COL19A1: variants seen among roughly 807,000 people sequenced by gnomAD.
COL19A1 encodes collagen alpha-1(XIX) chain.
Under a neutral mutation model 190.2 loss-of-function variants are expected in COL19A1, and 159 were observed. The ratio of observed to expected loss-of-function variants is 0.84; its 90% CI spans 0.73 to 0.95. COL19A1 has a LOEUF of 0.95. COL19A1 is among the 40% of genes least tolerant of loss of function. The pLI, the probability that COL19A1 is intolerant of heterozygous loss-of-function variation, is 0.00. For synonymous variants in COL19A1, 509 were observed against 458.9 expected, an observed-to-expected ratio of 1.11 and a Z score of -1.39; for missense variants, 1,418 against 1,431.9, an observed-to-expected ratio of 0.99 and a Z score of 0.16.
At chr6:69,975,881 C>T (rs1368647194) in intron 11 of COL19A1, among the ~76,000 whole-genome samples, 1 of 152,076 alleles carries the variant, frequency 6.6e-6, no homozygotes, top group East Asian at 1.9e-4. Flanking sequence ...TATTATTTAC[C>T]TCACTAAAAT....
chr6:70,000,791 T>G (rs1270036880), intron 11 of COL19A1, among the ~76,000 whole-genome samples: 2 of 152,202 alleles, frequency 1.3e-5, no homozygotes, highest in East Asian at 3.9e-4. Flanking sequence ...ATGGGTAGAT[T>G]GAAAAAATTT....
At chr6:70,052,043 C>G (rs927900369) in intron 14 of COL19A1, among the ~76,000 whole-genome samples, 3 of 151,914 alleles carry the variant, frequency 2.0e-5, no homozygotes, top group African/African-American at 7.3e-5. Flanking sequence ...TCTGAATTGG[C>G]CTTTCTGCTT....
chr6:69,944,568 C>G (rs1337758919), intron 9 of COL19A1, among the ~76,000 whole-genome samples: 1 of 151,998 alleles, frequency 6.6e-6, no homozygotes, highest in Non-Finnish European at 1.5e-5. Context: ...AACAAAAATT[C>G]TTTTCACATT....
chr6:70,048,605 G>A (rs557737546), intron 14 of COL19A1, among the ~76,000 whole-genome samples: 62 of 152,170 alleles, frequency 4.1e-4, no homozygotes, highest in African/African-American at 1.4e-3. Context: ...TACAACTGTA[G>A]TTGTTCATAT....
At chr6:69,948,811 A>G (rs1412499149) in intron 9 of COL19A1, among the ~76,000 whole-genome samples, 2 of 151,770 alleles carry the variant, frequency 1.3e-5, no homozygotes, top group East Asian at 3.9e-4. Flanking sequence ...TATTTCACTT[A>G]AAGTAAAACT....
At chr6:69,917,080 C>A (rs1281724031) in intron 4 of COL19A1, among the ~76,000 whole-genome samples, 1 of 152,182 alleles carries the variant, frequency 6.6e-6, no homozygotes, top group Non-Finnish European at 1.5e-5. Context: ...TTTCTTATGA[C>A]CAACACATTT....
chr6:70,180,550 T>A, intron 44 of COL19A1, 27 bp downstream of exon 44: 1 of 1,608,774 alleles, frequency 6.2e-7, no homozygotes, highest in Non-Finnish European at 8.5e-7. Context: ...ACTTAAAATA[T>A]GCCACCTAGA....
At chr6:70,006,769 T>C (rs1338602143) in intron 11 of COL19A1, among the ~76,000 whole-genome samples, 2 of 152,184 alleles carry the variant, frequency 1.3e-5, no homozygotes, top group Non-Finnish European at 2.9e-5. Context: ...GTTACATTTA[T>C]AGGATATGAA....
chr6:70,136,073 A>G (rs1234473877), intron 18 of COL19A1, among the ~76,000 whole-genome samples: 1 of 152,224 alleles, frequency 6.6e-6, no homozygotes, highest in Non-Finnish European at 1.5e-5. Flanking sequence ...TTCCACAGTT[A>G]TACTATCACA....
At chr6:70,120,326 CT>C (rs1463231493) in intron 16 of COL19A1, among the ~76,000 whole-genome samples, 6 of 152,156 alleles carry the variant, frequency 3.9e-5, no homozygotes, top group African/African-American at 1.2e-4. Flanking sequence ...ACATATACCC[CT>C]AAGCCACCTC....
chr6:70,206,308 C>T (rs1284209185), intron 49 of COL19A1, among the ~76,000 whole-genome samples: 1 of 152,084 alleles, frequency 6.6e-6, no homozygotes, highest in Non-Finnish European at 1.5e-5. Context: ...GTGTCATTTT[C>T]AGAGCCAAAA....
intron 12 of COL19A1, 79 bp downstream of exon 12, chr6:70,023,759 C>T: frequency 7.4e-7 from 1 of 1,355,692 alleles, no homozygotes; most frequent in East Asian, 2.4e-5. Context: ...TAAGATTTGC[C>T]TATTTTTGGC....
At chr6:69,867,249 C>CGGCGCG (rs752616870) in intron 1 of COL19A1, among the ~76,000 whole-genome samples, 1 of 152,128 alleles carries the variant, frequency 6.6e-6, no homozygotes, top group East Asian at 1.9e-4. Flanking sequence ...TTCTGGGGGG[C>CGGCGCG]GGCGCGGGCG....
In COL19A1 at chr6:69,948,170, G is replaced by A. The variant is rs374143904; in HGVS notation, c.936+10070G>A. On this transcript the variant is annotated intron_variant, in intron 9 of 50. Transcript: ENST00000620364. ...TGATTGTTTAGATTTCAGATCATTAGGAGTTTTTGAATTATTCTGAACATG... is the reference window on the plus strand; with the variant it reads ...TGATTGTTTAGATTTCAGATCATTAAGAGTTTTTGAATTATTCTGAACATG... Among the ~76,000 whole-genome samples, 12 of 151,864 alleles carry A rather than the reference G, an allele frequency of 7.9e-5. No individual in the cohort carries two copies. The East Asian group carries it at 2.3e-3, about 29-fold the overall frequency.
chr6:69,942,726 A>G (rs937648563), intron 9 of COL19A1, among the ~76,000 whole-genome samples: 1 of 140,588 alleles, frequency 7.1e-6, no homozygotes, highest in Non-Finnish European at 1.5e-5. Flanking sequence ...GCTTAATGTC[A>G]TTCCATTGTG....
intron 48 of COL19A1, among the ~76,000 whole-genome samples, chr6:70,195,725 C>G (rs536134783): frequency 6.6e-6 from 1 of 152,344 alleles, no homozygotes; most frequent in African/African-American, 2.4e-5. Context: ...CCCCCACTTC[C>G]AGAGGTAACT....
At chr6:69,887,955 C>A (rs923867009) in intron 2 of COL19A1, among the ~76,000 whole-genome samples, 3 of 152,266 alleles carry the variant, frequency 2.0e-5, no homozygotes, top group Middle Eastern at 6.8e-3. Context: ...CTCCAAGGAC[C>A]CCCTCTCACC....
intron 10 of COL19A1, among the ~76,000 whole-genome samples, chr6:69,961,073 A>G (rs2150045334): frequency 6.6e-6 from 1 of 152,234 alleles, no homozygotes; most frequent in South Asian, 2.1e-4. Context: ...CATCCAGATA[A>G]TCCCGCCGCA....
chr6:70,132,593 T>A (rs1469511099), intron 18 of COL19A1, among the ~76,000 whole-genome samples: 4 of 152,204 alleles, frequency 2.6e-5, no homozygotes, highest in Admixed American at 2.6e-4. Flanking sequence ...AGATCTCTGT[T>A]GCACCTGTGG....
Sources: gnomAD v4.1 joint callset for allele counts (sites outside exome capture counted in the v4.1 genomes callset) on GRCh38, gnomAD v4.1.1 for gene constraint, MANE v1.5 for transcripts, NCBI Gene and HGNC (gene_info 2026-07-23, HGNC 2026-07-21) for gene names.